Variants in LRMDA observed in about 807,000 individuals in gnomAD.
The protein encoded by LRMDA is leucine rich melanocyte differentiation associated, also known as leucine-rich melanocyte differentiation-associated protein.
A neutral mutation model predicts 29.8 loss-of-function variants in LRMDA; 18 were observed. The ratio of observed to expected loss-of-function variants is 0.60; its 90% CI spans 0.42 to 0.90. The LOEUF is 0.90. Among genes scored for constraint, LRMDA ranks in the 40% least tolerant of loss-of-function variants. The pLI, the probability that LRMDA is intolerant of heterozygous loss-of-function variation, is 0.00. For synonymous variants in LRMDA, 125 were observed against 109.4 expected (o/e 1.14, Z -0.89); for missense variants, 273 against 273.9 (o/e 1.00, Z 0.02).
chr10:76,542,164 ATGT>A lies in LRMDA; in HGVS notation c.602-15041_602-15039del, dbSNP rs562904903. On this transcript the variant is annotated intron_variant, in intron 6 of 6. Transcript: ENST00000611255. ...GCACATTTTCACATTTGGGTTTTAA[ATGT>A]TGTGCCACATCCTGGGCTTTTAGGT... Among the ~76,000 whole-genome samples, 295 of 152,222 alleles carry A rather than the reference ATGT, an allele frequency of 1.9e-3. 2 individuals are homozygous for A. Among genetic ancestry groups the A allele is most frequent in the Middle Eastern group, 0.01 (3 of 294 alleles).
intron 2 of LRMDA, among the ~76,000 whole-genome samples, chr10:75,443,258 G>T (rs1392654970): frequency 6.6e-6 from 1 of 152,146 alleles, no homozygotes; most frequent in African/African-American, 2.4e-5. Context: ...GAAATGGTGA[G>T]AGTGGGCATC....
At chr10:76,070,914 A>C (rs1848865584) in intron 5 of LRMDA, among the ~76,000 whole-genome samples, 1 of 152,132 alleles carries the variant, frequency 6.6e-6, no homozygotes, top group African/African-American at 2.4e-5. Flanking sequence ...TGGGAGGAGT[A>C]AGCATGGCGT....
chr10:76,264,406 C>CAAAAAAAAAAAAAAAAAAAA (rs59846541), intron 5 of LRMDA, among the ~76,000 whole-genome samples: 1 of 34,270 alleles, frequency 2.9e-5, no homozygotes, highest in African/African-American at 1.1e-4. Flanking sequence ...GACTCTGTCT[C>CAAAAAAAAAAAAAAAAAAAA]AAAAAAAAAA....
At chr10:76,009,998 G>A (rs113289401) in intron 2 of LRMDA, among the ~76,000 whole-genome samples, 36 of 151,972 alleles carry the variant, frequency 2.4e-4, no homozygotes, top group East Asian at 2.3e-3. Context: ...TCCCCCACCC[G>A]CCTTCTCTCT....
chr10:75,545,551 C>T (rs1171516087), intron 2 of LRMDA, among the ~76,000 whole-genome samples: 1 of 152,146 alleles, frequency 6.6e-6, no homozygotes, highest in East Asian at 1.9e-4. Flanking sequence ...TACACTAGAC[C>T]TTAGTTAATA....
intron 6 of LRMDA, among the ~76,000 whole-genome samples, chr10:76,332,736 A>G (rs1840919882): frequency 6.6e-6 from 1 of 152,234 alleles, no homozygotes; most frequent in South Asian, 2.1e-4. Flanking sequence ...AAAGTATGAT[A>G]TGGTCAGTAA....
intron 2 of LRMDA, among the ~76,000 whole-genome samples, chr10:75,557,103 C>A (rs1223537495): frequency 1.3e-5 from 2 of 151,986 alleles, no homozygotes; most frequent in Admixed American, 6.6e-5. Context: ...CACCTGAGGT[C>A]AGGAGTTCGA....
intron 5 of LRMDA, among the ~76,000 whole-genome samples, chr10:76,139,352 TG>T (rs1338091474): frequency 6.6e-6 from 1 of 152,220 alleles, no homozygotes; most frequent in Non-Finnish European, 1.5e-5. Context: ...AAAAATTTTT[TG>T]CATATTATCC....
chr10:75,438,693 C>G (rs77022003), intron 2 of LRMDA, among the ~76,000 whole-genome samples, 199 bp downstream of exon 2: 2,572 of 152,322 alleles, frequency 0.017, 38 homozygotes, highest in Non-Finnish European at 0.024. Context: ...TTTTTTTGTG[C>G]TGCTGAAGAG....
intron 2 of LRMDA, among the ~76,000 whole-genome samples, chr10:75,972,293 G>A (rs1846988104): frequency 6.6e-6 from 1 of 151,306 alleles, no homozygotes. Flanking sequence ...TTTTTTTAAT[G>A]AATATTTTTT....
chr10:76,129,506 A>T (rs911333057), intron 5 of LRMDA, among the ~76,000 whole-genome samples: 1 of 152,176 alleles, frequency 6.6e-6, no homozygotes, highest in Non-Finnish European at 1.5e-5. Flanking sequence ...TCTTGGGTGT[A>T]GGGTACTCAG....
intron 2 of LRMDA, among the ~76,000 whole-genome samples, chr10:75,674,990 T>G (rs1841942851): frequency 6.6e-6 from 1 of 152,228 alleles, no homozygotes; most frequent in African/African-American, 2.4e-5. Flanking sequence ...TGCAGCAGCC[T>G]TTTCATTTCC....
chr10:76,369,510 G>C (rs573177322), intron 6 of LRMDA, among the ~76,000 whole-genome samples: 422 of 152,188 alleles, frequency 2.8e-3, no homozygotes, highest in Non-Finnish European at 5.3e-3. Flanking sequence ...TCCTTTATAG[G>C]TTACCTGGTG....
chr10:76,558,754 T>C lies in LRMDA; in HGVS notation c.*1466T>C, dbSNP rs1843589626. On this transcript the variant is annotated 3_prime_UTR_variant, in exon 7 of 7. Transcript: ENST00000611255. The stretch of plus-strand genomic sequence containing the variant: ...CCCAAGGAGAACCTACTTTCTCAGC[T>C]CTAGCCCGTTTACATAGCCTCTGGC... 6.6e-6 allele frequency: 1 copy of C among 152,146 alleles called. No homozygotes were observed. Among genetic ancestry groups the C allele is most frequent in the African/African-American group, 2.4e-5 (1 of 41,448 alleles). The allele number at this position is 152,146 out of a possible 1,614,324, so 9.4% of individuals were successfully genotyped here.
At chr10:75,852,981 CAA>C (rs1322126862) in intron 2 of LRMDA, among the ~76,000 whole-genome samples, 1 of 152,100 alleles carries the variant, frequency 6.6e-6, no homozygotes, top group African/African-American at 2.4e-5. Context: ...TACGTGGCAT[CAA>C]GAGAGAGAAA....
At chr10:75,635,119 G>T (rs1300752634) in intron 2 of LRMDA, among the ~76,000 whole-genome samples, 1 of 152,100 alleles carries the variant, frequency 6.6e-6, no homozygotes, top group South Asian at 2.1e-4. Flanking sequence ...CCTGTTTGGG[G>T]CAGTTTCCAG....
chr10:75,713,749 T>C (rs1842465298), intron 2 of LRMDA, among the ~76,000 whole-genome samples: 1 of 152,150 alleles, frequency 6.6e-6, no homozygotes, highest in East Asian at 1.9e-4. Context: ...TATTTTAGGA[T>C]TGATGCTGAT....
intron 2 of LRMDA, among the ~76,000 whole-genome samples, chr10:75,767,412 TC>T (rs896247301): frequency 2.0e-5 from 3 of 152,220 alleles, no homozygotes; most frequent in Non-Finnish European, 2.9e-5. Context: ...GAGCTTTTTT[TC>T]ATATGTTTGT....
intron 6 of LRMDA, among the ~76,000 whole-genome samples, chr10:76,372,917 A>G (rs923735195): frequency 6.6e-6 from 1 of 152,180 alleles, no homozygotes; most frequent in Non-Finnish European, 1.5e-5. Flanking sequence ...AGTCTATGGA[A>G]CACTGCTTCA....
Sources: allele counts gnomAD v4.1 joint callset (sites outside exome capture counted in the v4.1 genomes callset), GRCh38; gene constraint gnomAD v4.1.1; transcripts MANE v1.5; gene names NCBI Gene and HGNC (gene_info 2026-07-23, HGNC 2026-07-21).